TEX48: variants seen among roughly 807,000 people sequenced by gnomAD.
TEX48 encodes testis expressed 48, also known as testis-expressed protein 48.
In TEX48, 10 loss-of-function variants were observed where a neutral mutation model predicts 13.2. That is an observed-to-expected ratio of 0.75 (90% CI 0.47 to 1.28). The LOEUF (loss-of-function observed/expected upper bound fraction) is 1.28, where lower values mean the gene tolerates loss of function less well. Ranked by LOEUF, TEX48 falls within the 50% of genes most tolerant of loss-of-function variation. The probability of loss-of-function intolerance (pLI) is 0.00; values close to 1 mark genes in which losing one functional copy is unlikely to be tolerated. For missense variants in TEX48, 116 were observed against 139.4 expected (o/e 0.83, Z 0.84); for synonymous variants, 45 against 52.3 (o/e 0.86, Z 0.60).
chr9:114,671,260 T>A, intron 3 of TEX48, 123 bp downstream of exon 3: 1 of 1,185,046 alleles, frequency 8.4e-7, no homozygotes, highest in South Asian at 1.6e-5. Flanking sequence ...ACCCACCTCA[T>A]TTTAAATTGG....
chr9:114,672,030 A>G (rs1228455652), intron 1 of TEX48, among the ~76,000 whole-genome samples: 1 of 152,210 alleles, frequency 6.6e-6, no homozygotes, highest in Admixed American at 6.5e-5. Context: ...CTTCACTTTT[A>G]TCACTTGAAA....
At chr9:114,666,807 C>G (rs1008515038) in intron 4 of TEX48, 61 bp from the exon 5 acceptor site, 1 of 863,902 alleles carries the variant, frequency 1.2e-6, no homozygotes, top group African/African-American at 1.7e-5. Context: ...CTTTGATGAA[C>G]TGTTTTGGTT....
chr9:114,668,134 G>A, intron 4 of TEX48, 72 bp downstream of exon 4: 2 of 1,520,948 alleles, frequency 1.3e-6, no homozygotes, highest in Non-Finnish European at 1.8e-6. Flanking sequence ...TATCAATGGG[G>A]TCTGGTTATT....
At chr9:114,670,376 T>C (rs1387005741) in intron 3 of TEX48, among the ~76,000 whole-genome samples, 1 of 152,204 alleles carries the variant, frequency 6.6e-6, no homozygotes, top group Non-Finnish European at 1.5e-5. Flanking sequence ...TCTGTCAAAA[T>C]ACATCATTGT....
chr9:114,677,333 T>C (rs573775906), intron 1 of TEX48, among the ~76,000 whole-genome samples: 2 of 152,296 alleles, frequency 1.3e-5, no homozygotes, highest in African/African-American at 4.8e-5. Flanking sequence ...ATGTATTTCA[T>C]TGAGTTCTCT....
At chr9:114,674,097 C>T (rs1269951554) in intron 1 of TEX48, among the ~76,000 whole-genome samples, 3 of 152,144 alleles carry the variant, frequency 2.0e-5, no homozygotes, top group Non-Finnish European at 4.4e-5. Context: ...TGAGTCACCG[C>T]GCCTGGCCAG....
intron 3 of TEX48, among the ~76,000 whole-genome samples, chr9:114,668,577 A>G (rs980976705): frequency 1.3e-5 from 2 of 152,214 alleles, no homozygotes; most frequent in African/African-American, 4.8e-5. Context: ...TGGGCTACAT[A>G]TGAAATTTTG....
At chr9:114,671,670 G>C in intron 2 of TEX48, 50 bp downstream of exon 2, 1 of 1,535,388 alleles carries the variant, frequency 6.5e-7, no homozygotes, top group South Asian at 1.2e-5. Flanking sequence ...ATGGCCAGCA[G>C]ATCCTTCTGC....
At chr9:114,674,584 T>TCTCTC (rs149976718) in intron 1 of TEX48, among the ~76,000 whole-genome samples, 1 of 132,444 alleles carries the variant, frequency 7.6e-6, no homozygotes, top group Non-Finnish European at 1.6e-5. Flanking sequence ...CTTTCTTTTT[T>TCTCTC]TCTCTTTTCT....
chr9:114,666,789 G>T, intron 4 of TEX48, 43 bp from the exon 5 acceptor site: 1 of 1,007,382 alleles, frequency 9.9e-7, no homozygotes, highest in Non-Finnish European at 1.5e-6. Flanking sequence ...GAAGGCCTTT[G>T]AATTGGGCTT....
chr9:114,668,389 C>A (rs770792537), intron 3 of TEX48, 52 bp from the exon 4 acceptor site: 1 of 1,501,466 alleles, frequency 6.7e-7, no homozygotes, highest in African/African-American at 1.4e-5. Flanking sequence ...GGTGAGATCA[C>A]GGAAGTGAAG....
At chr9:114,674,842 CTTTT>C (rs79196358) in intron 1 of TEX48, among the ~76,000 whole-genome samples, 1 of 135,122 alleles carries the variant, frequency 7.4e-6, no homozygotes, top group Non-Finnish European at 1.6e-5. Context: ...CCAGCAAATT[CTTTT>C]TTTTTTTTTT....
intron 1 of TEX48, among the ~76,000 whole-genome samples, chr9:114,677,993 T>G (rs1482936990): frequency 6.6e-6 from 1 of 152,074 alleles, no homozygotes; most frequent in Non-Finnish European, 1.5e-5. Context: ...TCTCATGTAT[T>G]TGTCTTAATA....
At chr9:114,667,007 A>C (rs1827853849) in intron 4 of TEX48, among the ~76,000 whole-genome samples, 1 of 152,044 alleles carries the variant, frequency 6.6e-6, no homozygotes, top group Non-Finnish European at 1.5e-5. Flanking sequence ...AAGGTAGGAG[A>C]CTTGGGCCCA....
chr9:114,681,616 G>T (rs1469112989), intron 1 of TEX48, among the ~76,000 whole-genome samples: 2 of 152,072 alleles, frequency 1.3e-5, no homozygotes, highest in Non-Finnish European at 2.9e-5. Flanking sequence ...ACAGATGAAG[G>T]TTCTGATGCT....
At chr9:114,678,143 T>C (rs1828111291) in intron 1 of TEX48, among the ~76,000 whole-genome samples, 1 of 152,196 alleles carries the variant, frequency 6.6e-6, no homozygotes, top group South Asian at 2.1e-4. Context: ...CTTCTTTGTC[T>C]GGAATGCTAT....
At chr9:114,677,967 C>T (rs1828108419) in intron 1 of TEX48, among the ~76,000 whole-genome samples, 2 of 152,016 alleles carry the variant, frequency 1.3e-5, no homozygotes. Context: ...CGTATATATA[C>T]TCTCACTATA....
chr9:114,670,417 C>G (rs980628323), intron 3 of TEX48, among the ~76,000 whole-genome samples: 1 of 152,048 alleles, frequency 6.6e-6, no homozygotes, highest in African/African-American at 2.4e-5. Flanking sequence ...GACTCTGCCA[C>G]GTTCCTGGCC....
At chr9:114,666,873 C>T (rs961095697) in intron 4 of TEX48, 127 bp from the exon 5 acceptor site, 9 of 604,012 alleles carry the variant, frequency 1.5e-5, no homozygotes, top group Non-Finnish European at 2.6e-5. Flanking sequence ...GGACCCAAGG[C>T]AGACCCTAGT....
Sources: allele counts gnomAD v4.1 joint callset (sites outside exome capture counted in the v4.1 genomes callset), GRCh38; gene constraint gnomAD v4.1.1; transcripts MANE v1.5; gene names NCBI Gene and HGNC (gene_info 2026-07-23, HGNC 2026-07-21).